Variants in APLNR observed in about 807,000 individuals in gnomAD.
The protein encoded by APLNR is apelin receptor.
A neutral mutation model predicts 23.4 loss-of-function variants in APLNR; 13 were observed. The ratio of observed to expected loss-of-function variants is 0.56; its 90% CI spans 0.36 to 0.88. APLNR has a LOEUF of 0.88. APLNR is among the 40% of genes least tolerant of loss of function. APLNR has a pLI of 0.01. For synonymous variants in APLNR, 234 were observed against 211.9 expected (o/e 1.10, Z -0.91); for missense variants, 480 against 517.1 (o/e 0.93, Z 0.70).
chr11:57,236,993 A>G lies in APLNR; in HGVS notation c.12T>C (p.Gly4=), dbSNP rs776956379. The G allele has an allele frequency of 6.3e-6, 10 of 1,588,376 alleles. No individual in the cohort carries two copies. The highest frequency in any genetic ancestry group is 8.6e-6 in the Non-Finnish European group (10 of 1,166,576). Reference sequence around the variant, plus strand: ...CCCCATAGTAGTTGTCAAAATCACCACCTTCCTCCATGCTGGGGAGTGGAG... The same window carrying G: ...CCCCATAGTAGTTGTCAAAATCACCGCCTTCCTCCATGCTGGGGAGTGGAG... The part of the protein sequence containing the change: MEE[G]GDFDNYYGAD... Residue 4 remains glycine, a synonymous_variant, in exon 1 of 1, where the codon GGT becomes GGC. Coordinates refer to ENST00000606794, the MANE Select transcript of APLNR (RefSeq NM_005161.6).
At position 57,237,034 on chromosome 11, in the gene APLNR, G is replaced by T. The variant is rs370606919; in HGVS notation, c.-30C>A. Reference sequence around the variant, plus strand: ...GGGAGTGGAGAGAAGACGGGCAGAGGGTCCCAGGGACACCAGCTCCGTGGC... The same window carrying T: ...GGGAGTGGAGAGAAGACGGGCAGAGTGTCCCAGGGACACCAGCTCCGTGGC... On this transcript the variant is annotated 5_prime_UTR_variant, in exon 1 of 1. Coordinates refer to ENST00000606794, the MANE Select transcript of APLNR (RefSeq NM_005161.6). The T allele has an allele frequency of 4.6e-6, 7 of 1,535,344 alleles. No individual in the cohort carries two copies. The African/African-American group carries it at 9.6e-5, about 21-fold the overall frequency.
Position 57,236,563 on chromosome 11 carries a change from C to T in APLNR, c.442G>A (p.Val148Met), listed in dbSNP as rs576092494. The change falls in exon 1 of 1, where the codon GTG becomes ATG. Residue 148 changes from valine (V) to methionine (M), a missense_variant. Physicochemically the swap from Val to Met is conservative, Grantham distance 21 (BLOSUM62 1). Coordinates refer to ENST00000606794, the MANE Select transcript of APLNR (RefSeq NM_005161.6). ...AGCACCCAAAGAACTGCCGTGGCCA[C>T]GGCCCCGCTGACCCGCAGCCTCAGC... is the stretch of plus-strand genomic sequence containing the variant. ...ARLRLRVSGAVATAVLWVLAA... is the reference protein window; with the variant it reads ...ARLRLRVSGAMATAVLWVLAA... 373 of 1,613,532 alleles carry T rather than the reference C, an allele frequency of 2.3e-4. No individual in the cohort carries two copies. Among genetic ancestry groups the T allele is most frequent in the East Asian group, 4.9e-4 (22 of 44,872 alleles).
Position 57,237,052 on chromosome 11 carries a change from T to C in APLNR, c.-48A>G. On this transcript the variant is annotated 5_prime_UTR_variant, in exon 1 of 1. Coordinates refer to ENST00000606794, the MANE Select transcript of APLNR (RefSeq NM_005161.6). Reference sequence around the variant, plus strand: ...GGCAGAGGGTCCCAGGGACACCAGCTCCGTGGCTCTGTCACCCACTCTGCA... The same window carrying C: ...GGCAGAGGGTCCCAGGGACACCAGCCCCGTGGCTCTGTCACCCACTCTGCA... 1.3e-6 allele frequency: 2 copies of C among 1,518,414 alleles called. No homozygotes were observed. Among genetic ancestry groups the C allele is most frequent in the East Asian group, 2.3e-5 (1 of 44,118 alleles). The allele number at this position is 1,518,414 out of a possible 1,614,324, so 94.1% of individuals were successfully genotyped here.
rs764290440 is a variant in APLNR, at chr11:57,236,491, C to T, written c.514G>A (p.Asp172Asn). 15 of 1,614,216 alleles carry T rather than the reference C, an allele frequency of 9.3e-6. No individual in the cohort carries two copies. The East Asian group carries it at 3.1e-4, about 34-fold the overall frequency. Residue 172 changes from aspartate (D) to asparagine (N), a missense_variant, in exon 1 of 1, where the codon GAC becomes AAC. Physicochemically the swap from Asp to Asn is conservative, Grantham distance 23. Transcript: ENST00000606794. Reference sequence around the variant, plus strand: ...TGCACCTTAGTGGTGTTCTCCAAGTCCCCGGTGGTGCGTAACACCATGACA... The same window carrying T: ...TGCACCTTAGTGGTGTTCTCCAAGTTCCCGGTGGTGCGTAACACCATGACA... ...MPVMVLRTTG[D>N]LENTTKVQCY...
rs201644557 is a variant in APLNR, at chr11:57,236,924, C to T, written c.81G>A (p.Ser27=). 45 of 1,613,752 alleles carry T rather than the reference C, an allele frequency of 2.8e-5. No individual in the cohort carries two copies. The highest frequency in any genetic ancestry group is 1.6e-4 in the East Asian group (7 of 44,886). ...TGTAGATGGCAGGGATGAGGGCCCC[C>T]GAGGATTTCCAGTCTGTGTACTCAC... ...SECEYTDWKS[S]GALIPAIYML... The change falls in exon 1 of 1, where the codon TCG becomes TCA. Residue 27 remains serine, a synonymous_variant. Coordinates refer to ENST00000606794, the MANE Select transcript of APLNR (RefSeq NM_005161.6).
rs1318397404 is a variant in APLNR, at chr11:57,236,020, T to C, written c.985A>G (p.Ser329Gly). Residue 329 changes from serine to glycine, a missense_variant, in exon 1 of 1, where the codon AGC (serine) becomes GGC (glycine). Ser to Gly is a moderately conservative substitution (Grantham distance 56). Coordinates refer to ENST00000606794, the MANE Select transcript of APLNR (RefSeq NM_005161.6). The stretch of plus-strand genomic sequence containing the variant: ...CTGTGGGAGGTGCCTGCGCACCTGC[T>C]CTGGCCACAGCAGAGCATGGAGGTG... ...ACTSMLCCGQ[S>G]RCAGTSHSSS... is the part of the protein sequence containing the mutation. The C allele has an allele frequency of 6.2e-7, 1 of 1,614,258 alleles. No individual in the cohort carries two copies. The highest frequency in any genetic ancestry group is 1.1e-5 in the South Asian group (1 of 91,088).
Position 57,236,848 on chromosome 11 carries a change from C to CG in APLNR, c.156dup (p.Val53ArgfsTer13). ...CTCTTCTCCCGGCTGCTCCGAAACA[C>CG]GGTCCAGAGCACCAGACCGTTGCCC... On this transcript the variant is annotated frameshift_variant, in exon 1 of 1. Transcript: ENST00000606794. LOFTEE classifies it high-confidence loss of function. The CG allele has an allele frequency of 6.2e-7, 1 of 1,614,212 alleles. No individual in the cohort carries two copies. Among genetic ancestry groups the CG allele is most frequent in the Non-Finnish European group, 8.5e-7 (1 of 1,180,048 alleles).
rs1181920815 is a variant in APLNR, at chr11:57,237,133, A to G, written c.-129T>C. On this transcript the variant is annotated 5_prime_UTR_variant, in exon 1 of 1. Coordinates refer to ENST00000606794, the MANE Select transcript of APLNR (RefSeq NM_005161.6). ...AGAGTAAGAAGGGCTGAAGATGCCC[A>G]GAGTCCTTCCCAGCACTCAGGAGGA... 1 of 982,758 alleles carries G rather than the reference A, an allele frequency of 1.0e-6. No individual in the cohort carries two copies. Among genetic ancestry groups the G allele is most frequent in the Non-Finnish European group, 1.5e-6 (1 of 671,888 alleles). The allele number at this position is 982,758 out of a possible 1,614,324, so 60.9% of individuals were successfully genotyped here. A position where few individuals can be genotyped will look rare whatever the true frequency, so the allele number is the denominator to read the frequency against.
rs751405218 is a variant in APLNR, at chr11:57,235,820, C to T, written c.*42G>A. The stretch of plus-strand genomic sequence containing the variant: ...ATTTTCAGAAAGCAAGGGCAAAGGC[C>T]GGGGAGGGCCGAGGGCGCCAGGCTT... On this transcript the variant is annotated 3_prime_UTR_variant, in exon 1 of 1. Transcript: ENST00000606794. 20 of 1,556,224 alleles carry T rather than the reference C, an allele frequency of 1.3e-5. No individual in the cohort carries two copies. Among genetic ancestry groups the T allele is most frequent in the Middle Eastern group, 1.8e-4 (1 of 5,640 alleles).
rs1446909431 is a variant in APLNR, at chr11:57,233,918, C to A, written c.*1944G>T. The stretch of plus-strand genomic sequence containing the variant: ...GGCTGTGAGGAGCCCCTTCCCCTCT[C>A]CTCCTCCCTCTGCCCCCAGAGCTGG... On this transcript the variant is annotated 3_prime_UTR_variant, in exon 1 of 1. Transcript: ENST00000606794. 6.6e-6 allele frequency: 1 copy of A among 152,340 alleles called. No homozygotes were observed. Among genetic ancestry groups the A allele is most frequent in the Non-Finnish European group, 1.5e-5 (1 of 68,144 alleles). 9.4% of individuals were successfully genotyped at this position (152,340 alleles called of 1,614,324 possible). A position where few individuals can be genotyped will look rare whatever the true frequency, so the allele number is the denominator to read the frequency against.
In APLNR at chr11:57,235,744, C is replaced by T. The variant is rs1306390186; in HGVS notation, c.*118G>A. ...AGAGGAGGACAGGGCGGGGCAGAAT[C>T]AGGGGACAGTTAAAGGATGTGCATA... On this transcript the variant is annotated 3_prime_UTR_variant, in exon 1 of 1. Coordinates refer to ENST00000606794, the MANE Select transcript of APLNR (RefSeq NM_005161.6). The T allele has an allele frequency of 4.2e-6, 5 of 1,202,692 alleles. No homozygotes were observed. In the African/African-American group the frequency reaches 7.6e-5, roughly 18 times the overall value. The allele number at this position is 1,202,692 out of a possible 1,614,324, so 74.5% of individuals were successfully genotyped here.
Position 57,236,253 on chromosome 11 carries a change from A to G in APLNR, c.752T>C (p.Val251Ala). Residue 251 changes from valine (V) to alanine (A), a missense_variant, in exon 1 of 1, where the codon GTG becomes GCG. Val to Ala is a moderately conservative substitution (Grantham distance 64). Coordinates refer to ENST00000606794, the MANE Select transcript of APLNR (RefSeq NM_005161.6). ...CAGGGCAAAGGTCACCACCAGCACC[A>G]CGATGATGCTGAGCAGCCGGCGCCG... is the stretch of plus-strand genomic sequence containing the variant. ...RKRRRLLSIIVVLVVTFALCW... is the reference protein window; with the variant it reads ...RKRRRLLSIIAVLVVTFALCW... The G allele has an allele frequency of 6.2e-7, 1 of 1,614,034 alleles. No individual in the cohort carries two copies. The highest frequency in any genetic ancestry group is 8.5e-7 in the Non-Finnish European group (1 of 1,179,960).
rs1465684389 is a variant in APLNR at position 57,234,143 on chromosome 11, T to TGCACACTGCTCCAGTCC, written c.*1718_*1719insGGACTGGAGCAGTGTGC. 6.6e-6 allele frequency: 1 copy of TGCACACTGCTCCAGTCC among 152,298 alleles called. No homozygotes were observed. Among genetic ancestry groups the TGCACACTGCTCCAGTCC allele is most frequent in the African/African-American group, 2.4e-5 (1 of 41,432 alleles). 9.4% of individuals were successfully genotyped at this position (152,298 alleles called of 1,614,324 possible). On this transcript the variant is annotated 3_prime_UTR_variant, in exon 1 of 1. Transcript: ENST00000606794. Reference sequence around the variant, plus strand: ...CTGGCAGTGTAGACATCATGCTATCTGCACACTTGCTCCAGTCCCTATTCC... The same window carrying TGCACACTGCTCCAGTCC: ...CTGGCAGTGTAGACATCATGCTATCTGCACACTGCTCCAGTCCGCACACTTGCTCCAGTCCCTATTCC...
Position 57,237,159 on chromosome 11 carries a change from G to T in APLNR, c.-155C>A. On this transcript the variant is annotated 5_prime_UTR_variant, in exon 1 of 1. Coordinates refer to ENST00000606794, the MANE Select transcript of APLNR (RefSeq NM_005161.6). The stretch of plus-strand genomic sequence containing the variant: ...GAGTCCTTCCCAGCACTCAGGAGGA[G>T]CTGCCTCTGGGTTCTCCAGACCCTG... 1 of 754,522 alleles carries T rather than the reference G, an allele frequency of 1.3e-6. No individual in the cohort carries two copies. Among genetic ancestry groups the T allele is most frequent in the Non-Finnish European group, 2.1e-6 (1 of 473,576 alleles). 46.7% of individuals were successfully genotyped at this position (754,522 alleles called of 1,614,324 possible). A position where few individuals can be genotyped will look rare whatever the true frequency, so the allele number is the denominator to read the frequency against.
In APLNR at chr11:57,234,426, G is replaced by A. The variant is rs112886081; in HGVS notation, c.*1436C>T. ...GAGCCCAAGAAGGAGCAGGAACCCAGCTCAGTAGGACGCCCCCAAGCCTTG... is the reference window on the plus strand; with the variant it reads ...GAGCCCAAGAAGGAGCAGGAACCCAACTCAGTAGGACGCCCCCAAGCCTTG... On this transcript the variant is annotated 3_prime_UTR_variant, in exon 1 of 1. Coordinates refer to ENST00000606794, the MANE Select transcript of APLNR (RefSeq NM_005161.6). 0.04 allele frequency: 6,084 copies of A among 152,364 alleles called. 158 individuals carry two copies. The highest frequency in any genetic ancestry group is 0.062 in the Non-Finnish European group (4,193 of 68,070). 9.4% of individuals were successfully genotyped at this position (152,364 alleles called of 1,614,324 possible). A position where few individuals can be genotyped will look rare whatever the true frequency, so the allele number is the denominator to read the frequency against.
Position 57,236,554 on chromosome 11 carries a change from C to T in APLNR, c.451G>A (p.Ala151Thr). The T allele has an allele frequency of 6.2e-7, 1 of 1,613,880 alleles. No individual in the cohort carries two copies. The highest frequency in any genetic ancestry group is 8.5e-7 in the Non-Finnish European group (1 of 1,179,946). Residue 151 changes from alanine (A) to threonine (T), a missense_variant, in exon 1 of 1, where the codon GCA (alanine) becomes ACA (threonine). Transcript: ENST00000606794. ...AGGGCGGCCAGCACCCAAAGAACTG[C>T]CGTGGCCACGGCCCCGCTGACCCGC... Reference protein sequence around the residue: ...RLRVSGAVATAVLWVLAALLA... With the variant: ...RLRVSGAVATTVLWVLAALLA...
Position 57,236,316 on chromosome 11 carries a change from C to T in APLNR, c.689G>A (p.Gly230Asp). 1 of 1,614,162 alleles carries T rather than the reference C, an allele frequency of 6.2e-7. No homozygotes were observed. Among genetic ancestry groups the T allele is most frequent in the Non-Finnish European group, 8.5e-7 (1 of 1,180,040 alleles). ...CTCGATGCGTTCCTTGCGGAAGTGG[C>T]CAGCGATGGTTTGGGCGATGAAGAA... is the stretch of plus-strand genomic sequence containing the variant. ...CYFFIAQTIA[G>D]HFRKERIEGL... The change falls in exon 1 of 1, where the codon GGC becomes GAC. Residue 230 changes from glycine (G) to aspartate (D), a missense_variant. By Grantham distance (94) the Gly-to-Asp change is moderately conservative. Coordinates refer to ENST00000606794, the MANE Select transcript of APLNR (RefSeq NM_005161.6).
chr11:57,235,980 T>A lies in APLNR; in HGVS notation c.1025A>T (p.Lys342Met). 1 of 1,614,250 alleles carries A rather than the reference T, an allele frequency of 6.2e-7. No homozygotes were observed. The highest frequency in any genetic ancestry group is 8.5e-7 in the Non-Finnish European group (1 of 1,180,026). ...AGTSHSSSGE[K>M]SASYSSGHSQ... ...GTGCCCCGAAGAGTAGCTGGCTGAC[T>A]TCTCCCCACTGCTGCTGTGGGAGGT... Residue 342 changes from lysine to methionine, a missense_variant, in exon 1 of 1, where the codon AAG becomes ATG. Coordinates refer to ENST00000606794, the MANE Select transcript of APLNR (RefSeq NM_005161.6).
Position 57,236,112 on chromosome 11 carries a change from C to T in APLNR, c.893G>A (p.Ser298Asn). The part of the protein sequence containing the change: ...MNIFPYCTCI[S>N]YVNSCLNPFL... The stretch of plus-strand genomic sequence containing the variant: ...GGGGTTGAGGCAGCTGTTGACGTAG[C>T]TGATGCAGGTGCAGTAGGGGAAGAT... The change falls in exon 1 of 1, where the codon AGC (serine) becomes AAC (asparagine). Residue 298 changes from serine (S) to asparagine (N), a missense_variant. Coordinates refer to ENST00000606794, the MANE Select transcript of APLNR (RefSeq NM_005161.6). 1 of 1,614,204 alleles carries T rather than the reference C, an allele frequency of 6.2e-7. No homozygotes were observed. Among genetic ancestry groups the T allele is most frequent in the Non-Finnish European group, 8.5e-7 (1 of 1,180,046 alleles).
Sources: gnomAD v4.1 joint callset for allele counts on GRCh38, gnomAD v4.1.1 for gene constraint, MANE v1.5 for transcripts, NCBI Gene and HGNC (gene_info 2026-07-23, HGNC 2026-07-21) for gene names.